The following LMF1 variants were observed in gnomAD, a reference collection of about 807,000 sequenced individuals.
LMF1 encodes the protein lipase maturation factor 1, also known as transmembrane protein 112.
Under a neutral mutation model 60.6 loss-of-function variants are expected in LMF1, and 68 were observed. The ratio of observed to expected loss-of-function variants is 1.12; its 90% confidence interval spans 0.92 to 1.37. LMF1 has a LOEUF of 1.37. Among genes scored for constraint, LMF1 ranks in the 40% most tolerant of loss-of-function variants. The pLI, the probability that LMF1 is intolerant of heterozygous loss-of-function variation, is 0.00. For missense variants in LMF1, 948 were observed against 767.2 expected (o/e 1.24, Z -2.78); for synonymous variants, 418 against 324.7 (o/e 1.29, Z -3.09).
chr16:941,191 G>A (rs959937938), intron 2 of LMF1, among the ~76,000 whole-genome samples: 2 of 151,820 alleles, frequency 1.3e-5, no homozygotes, highest in Admixed American at 1.3e-4. Flanking sequence ...TTAAAGCATA[G>A]CTCTTGAAAA....
rs112649954 is a variant in LMF1, at chr16:908,133, T to C, written c.663+2798A>G. On this transcript the variant is annotated intron_variant, in intron 4 of 10. Transcript: ENST00000262301. ...AATGCTGCATCCACATCTGTGCATA[T>C]TCAAGCCAGCAGAGGGTGGAACCTA... is the stretch of plus-strand genomic sequence containing the variant. Among the ~76,000 whole-genome samples, 289 of 152,326 alleles carry C rather than the reference T, an allele frequency of 1.9e-3. 2 individuals are homozygous for C. In the Middle Eastern group the frequency reaches 0.034, roughly 18 times the overall value.
At chr16:903,017 G>T (rs2070863342) in intron 4 of LMF1, among the ~76,000 whole-genome samples, 2 of 63,958 alleles carry the variant, frequency 3.1e-5, no homozygotes, top group East Asian at 4.5e-4. Flanking sequence ...CTGTGGGGAC[G>T]CCTGTCTCTG....
intron 5 of LMF1, among the ~76,000 whole-genome samples, chr16:887,998 G>A (rs906630266): frequency 2.0e-5 from 3 of 152,206 alleles, no homozygotes; most frequent in African/African-American, 7.2e-5. Context: ...TCTGTGGTGC[G>A]TGGCCTGGGC....
intron 1 of LMF1, chr16:979,938 G>A: frequency 2.8e-6 from 1 of 360,086 alleles, no homozygotes; most frequent in Non-Finnish European, 5.6e-6. Context: ...CCCGAGCGGA[G>A]GGCAGGGCCT....
chr16:870,552 T>C (rs1159680347), intron 8 of LMF1, among the ~76,000 whole-genome samples, 177 bp downstream of exon 8: 1 of 152,162 alleles, frequency 6.6e-6, no homozygotes, highest in African/African-American at 2.4e-5. Flanking sequence ...CGAGGAGGCC[T>C]GCGTGTCCAG....
In LMF1 at chr16:871,042, C is replaced by G. The variant is rs113001804; in HGVS notation, c.1078+119G>C. 2.2e-6 allele frequency: 3 copies of G among 1,393,478 alleles called. No homozygotes were observed. The African/African-American group carries it at 4.3e-5, about 20-fold the overall frequency. The allele number at this position is 1,393,478 out of a possible 1,614,324, so 86.3% of individuals were successfully genotyped here. A position where few individuals can be genotyped will look rare whatever the true frequency, so the allele number is the denominator to read the frequency against. On this transcript the variant is annotated intron_variant, in intron 7 of 10. Coordinates refer to ENST00000262301, the MANE Select transcript of LMF1 (RefSeq NM_022773.4). ...ACCTTGTTCCTGGCACGCTACACTGCGGACGGCGCTGACTCTCCTCCTACC... is the reference window on the plus strand; with the variant it reads ...ACCTTGTTCCTGGCACGCTACACTGGGGACGGCGCTGACTCTCCTCCTACC...
At chr16:959,234 G>A (rs1326938072) in intron 1 of LMF1, among the ~76,000 whole-genome samples, 1 of 152,226 alleles carries the variant, frequency 6.6e-6, no homozygotes, top group African/African-American at 2.4e-5. Context: ...AAAATAATCA[G>A]AGATAAGAAT....
intron 10 of LMF1, chr16:855,781 G>A (rs937376256): frequency 7.5e-5 from 34 of 455,934 alleles, no homozygotes; most frequent in Admixed American, 6.6e-4. Flanking sequence ...CACTGCACCA[G>A]GGCCCGGTAG....
At chr16:858,085 CTCGGG>C in intron 10 of LMF1, among the ~76,000 whole-genome samples, 3 of 99,536 alleles carry the variant, frequency 3.0e-5, no homozygotes, top group Non-Finnish European at 3.8e-5. Context: ...TGAGTGGTGT[CTCGGG>C]ATGGGTGTGA....
At chr16:923,535 C>T (rs2071502487) in intron 3 of LMF1, among the ~76,000 whole-genome samples, 1 of 152,126 alleles carries the variant, frequency 6.6e-6, no homozygotes, top group Admixed American at 6.6e-5. Context: ...AGCTTGAGCC[C>T]AGTAGGTTGA....
chr16:924,383 A>T (rs965483993), intron 3 of LMF1, among the ~76,000 whole-genome samples: 10 of 152,330 alleles, frequency 6.6e-5, no homozygotes, highest in African/African-American at 2.4e-4. Flanking sequence ...GTCGTGTAAT[A>T]CAATTTGACT....
At position 969,279 on chromosome 16, in the gene LMF1, C is replaced by T. The variant is rs573488510; in HGVS notation, c.193+1509G>A. On this transcript the variant is annotated intron_variant, in intron 1 of 10. Transcript: ENST00000262301. ...GCAGTGGGCCGACATGGTGCCGTTGCGCTCCAGCCTGGGCAACAGAGTGAG... is the reference window on the plus strand; with the variant it reads ...GCAGTGGGCCGACATGGTGCCGTTGTGCTCCAGCCTGGGCAACAGAGTGAG... 5.3e-5 allele frequency among the ~76,000 whole-genome samples: 8 copies of T among 152,152 alleles called. No individual in the cohort carries two copies. In the South Asian group the frequency reaches 1.2e-3, roughly 24 times the overall value.
At chr16:858,731 G>C (rs371643350) in intron 10 of LMF1, among the ~76,000 whole-genome samples, 2,326 of 32,628 alleles carry the variant, frequency 0.071, 160 homozygotes, top group Middle Eastern at 0.1. Context: ...ACGGGTGTGA[G>C]TGGTGTCTCG....
In LMF1 at chr16:916,797, C is replaced by T. The variant is rs764421783; in HGVS notation, c.515-5718G>A. 5.3e-5 allele frequency among the ~76,000 whole-genome samples: 8 copies of T among 152,362 alleles called. No individual in the cohort carries two copies. The South Asian group carries it at 6.2e-4, about 12-fold the overall frequency. On this transcript the variant is annotated intron_variant, in intron 3 of 10. Transcript: ENST00000262301. ...TGAGGCCTGCGGCCTTGGGATGCCT[C>T]GTTGGCTCCCTGGCAGCAAATGAAG...
At chr16:902,217 G>C (rs566885231) in intron 4 of LMF1, 1 of 152,456 alleles carries the variant, frequency 6.6e-6, no homozygotes, top group Non-Finnish European at 1.5e-5. Context: ...CTGGGCCAGC[G>C]CAGCAGCCGG....
Position 871,547 on chromosome 16 carries a change from G to A in LMF1, c.898-206C>T, listed in dbSNP as rs556578547. The A allele has an allele frequency of 1.2e-4, 71 of 596,622 alleles. No individual in the cohort carries two copies. The African/African-American group carries it at 1.2e-3, about 10-fold the overall frequency. The allele number at this position is 596,622 out of a possible 1,614,324, so 37.0% of individuals were successfully genotyped here. On this transcript the variant is annotated intron_variant, in intron 6 of 10. Coordinates refer to ENST00000262301, the MANE Select transcript of LMF1 (RefSeq NM_022773.4). ...ATGCCTCAGAGGTGCCTTCCGGCAG[G>A]TGCTTCCAGAACATTCCTCCCATGA...
chr16:880,540 C>T (rs543927816), intron 5 of LMF1, among the ~76,000 whole-genome samples: 2 of 152,310 alleles, frequency 1.3e-5, no homozygotes, highest in African/African-American at 2.4e-5. Context: ...CATGGTGGTG[C>T]GTGCCTGTAG....
chr16:914,914 C>T (rs935877027), intron 3 of LMF1, among the ~76,000 whole-genome samples: 3 of 152,216 alleles, frequency 2.0e-5, no homozygotes, highest in Non-Finnish European at 4.4e-5. Flanking sequence ...TATCCGAGTG[C>T]TAATCAGTAA....
At chr16:859,534 G>T (rs1313420725) in intron 10 of LMF1, among the ~76,000 whole-genome samples, 2 of 30,342 alleles carry the variant, frequency 6.6e-5, no homozygotes, top group Non-Finnish European at 1.2e-4. Context: ...GGTGTGAGTG[G>T]TGTCTCGGGA....
Sources: gnomAD v4.1 joint callset for allele counts (sites outside exome capture counted in the v4.1 genomes callset) on GRCh38, gnomAD v4.1.1 for gene constraint, MANE v1.5 for transcripts, NCBI Gene and HGNC (gene_info 2026-07-23, HGNC 2026-07-21) for gene names.